Variants in GABRB1 observed in about 807,000 individuals in gnomAD.
GABRB1 encodes gamma-aminobutyric acid type A receptor subunit beta1.
In GABRB1, 17 loss-of-function variants were observed where a neutral mutation model predicts 51.6. That is an observed-to-expected ratio of 0.33 (90% confidence interval 0.23 to 0.49). The LOEUF is 0.49. Ranked by LOEUF, GABRB1 falls within the 20% of genes least tolerant of loss-of-function variation. The pLI is 0.99. For missense variants in GABRB1, 410 were observed against 600.6 expected, an observed-to-expected ratio of 0.68 and a Z score of 3.32; for synonymous variants, 247 against 218.9, an observed-to-expected ratio of 1.13 and a Z score of -1.14.
At chr4:47,202,040 G>A (rs1303069823) in intron 4 of GABRB1, among the ~76,000 whole-genome samples, 1 of 152,034 alleles carries the variant, frequency 6.6e-6, no homozygotes, top group Non-Finnish European at 1.5e-5. Context: ...TTAAAACTAG[G>A]TTGTTGATGT....
At chr4:47,305,079 T>C (rs1724398654) in intron 4 of GABRB1, among the ~76,000 whole-genome samples, 1 of 152,112 alleles carries the variant, frequency 6.6e-6, no homozygotes, top group East Asian at 1.9e-4. Context: ...CCTAATCTGT[T>C]TGTATTCTTA....
chr4:47,403,804 C>A (rs1451886082), intron 7 of GABRB1, 93 bp downstream of exon 7: 7 of 1,233,200 alleles, frequency 5.7e-6, no homozygotes, highest in African/African-American at 3.0e-5. Flanking sequence ...TCTCTTATAG[C>A]AAGCCAAAGA....
At chr4:47,071,191 C>A (rs888256730) in intron 3 of GABRB1, among the ~76,000 whole-genome samples, 1 of 152,186 alleles carries the variant, frequency 6.6e-6, no homozygotes, top group Non-Finnish European at 1.5e-5. Context: ...CTAATTACTT[C>A]TCCCCACATT....
At chr4:47,140,017 G>A (rs1467149039) in intron 3 of GABRB1, among the ~76,000 whole-genome samples, 1 of 151,666 alleles carries the variant, frequency 6.6e-6, no homozygotes, top group Non-Finnish European at 1.5e-5. Flanking sequence ...ATATCAGATG[G>A]AAACACAGGT....
At chr4:47,105,603 G>A (rs181740187) in intron 3 of GABRB1, among the ~76,000 whole-genome samples, 1 of 152,208 alleles carries the variant, frequency 6.6e-6, no homozygotes, top group Admixed American at 6.6e-5. Flanking sequence ...TCCTGCCTCA[G>A]TAGATCTTCA....
intron 3 of GABRB1, among the ~76,000 whole-genome samples, chr4:47,148,637 A>C (rs1467537262): frequency 6.6e-6 from 1 of 151,910 alleles, no homozygotes; most frequent in Non-Finnish European, 1.5e-5. Context: ...TCCACTCCCC[A>C]TATTCCTTAA....
chr4:47,193,343 A>C (rs138748141), intron 4 of GABRB1, among the ~76,000 whole-genome samples: 1 of 152,272 alleles, frequency 6.6e-6, no homozygotes, highest in Non-Finnish European at 1.5e-5. Flanking sequence ...GCTGATCTGG[A>C]ACTCCCGAAC....
intron 5 of GABRB1, among the ~76,000 whole-genome samples, chr4:47,385,926 C>T (rs57558464): frequency 0.16 from 24,092 of 152,074 alleles, 2,059 homozygotes; most frequent in Non-Finnish European, 0.18. Context: ...ATGAAAGAGA[C>T]ACATAGGGCA....
At chr4:47,018,552 G>C (rs917072748) in intron 1 of GABRB1, among the ~76,000 whole-genome samples, 2 of 152,078 alleles carry the variant, frequency 1.3e-5, no homozygotes, top group Admixed American at 1.3e-4. Flanking sequence ...AAATCCATGT[G>C]TAATTTTTGG....
At chr4:47,041,919 T>C (rs760204634) in intron 3 of GABRB1, among the ~76,000 whole-genome samples, 11 of 151,874 alleles carry the variant, frequency 7.2e-5, no homozygotes, top group Non-Finnish European at 1.2e-4. Context: ...TTCTATGGAG[T>C]CTTTTCTGCA....
intron 4 of GABRB1, among the ~76,000 whole-genome samples, chr4:47,300,897 T>G (rs1232438587): frequency 1.3e-5 from 2 of 152,192 alleles, no homozygotes; most frequent in African/African-American, 2.4e-5. Flanking sequence ...TATATGTATA[T>G]GTAAACAAAC....
At position 47,090,232 on chromosome 4, in the gene GABRB1, A is replaced by G. The variant is rs191695485; in HGVS notation, c.240+57748A>G. 3.2e-3 allele frequency among the ~76,000 whole-genome samples: 484 copies of G among 152,368 alleles called. 3 individuals carry two copies. The highest frequency in any genetic ancestry group is 0.011 in the African/African-American group (469 of 41,594). On this transcript the variant is annotated intron_variant, in intron 3 of 8. Transcript: ENST00000295454. ...AAGGGGTTTGAATGACATGCTATTA[A>G]TTGTATGAAATAGAAAATGTCTAAT...
intron 4 of GABRB1, among the ~76,000 whole-genome samples, chr4:47,312,507 G>C (rs1478562677): frequency 1.3e-5 from 2 of 152,120 alleles, no homozygotes; most frequent in Non-Finnish European, 2.9e-5. Context: ...TAACTAACAT[G>C]AATTAAAGGT....
intron 5 of GABRB1, among the ~76,000 whole-genome samples, chr4:47,400,769 T>C (rs1327968111): frequency 1.3e-5 from 2 of 152,166 alleles, no homozygotes; most frequent in East Asian, 3.8e-4. Context: ...TACCACTGTG[T>C]ATGCCTTTGC....
intron 3 of GABRB1, among the ~76,000 whole-genome samples, chr4:47,057,562 T>C (rs1265744657): frequency 6.6e-6 from 1 of 152,236 alleles, no homozygotes; most frequent in Non-Finnish European, 1.5e-5. Context: ...TAGCGTATCC[T>C]GTGCACATGC....
At chr4:47,354,372 A>G (rs189091408) in intron 5 of GABRB1, among the ~76,000 whole-genome samples, 2 of 152,338 alleles carry the variant, frequency 1.3e-5, no homozygotes, top group Admixed American at 1.3e-4. Context: ...CCTTTCCTGC[A>G]CAACTTGGCT....
At chr4:47,042,493 T>C (rs1725900426) in intron 3 of GABRB1, among the ~76,000 whole-genome samples, 1 of 148,198 alleles carries the variant, frequency 6.7e-6, no homozygotes, top group Non-Finnish European at 1.5e-5. Context: ...TATATATATG[T>C]ATATATAGTC....
At chr4:47,401,981 AG>A (rs1728411946) in intron 5 of GABRB1, among the ~76,000 whole-genome samples, 2 of 152,222 alleles carry the variant, frequency 1.3e-5, no homozygotes, top group South Asian at 4.1e-4. Flanking sequence ...AACTTGGTAA[AG>A]TCCCCAATAT....
intron 5 of GABRB1, among the ~76,000 whole-genome samples, chr4:47,393,897 A>G (rs1333284303): frequency 6.6e-6 from 1 of 152,224 alleles, no homozygotes; most frequent in African/African-American, 2.4e-5. Flanking sequence ...AGGCACTACA[A>G]GTAGGTGTAT....
Sources: allele counts gnomAD v4.1 joint callset (sites outside exome capture counted in the v4.1 genomes callset), GRCh38; gene constraint gnomAD v4.1.1; transcripts MANE v1.5; gene names NCBI Gene and HGNC (gene_info 2026-07-23, HGNC 2026-07-21).